Variants in ROBO2 observed in about 807,000 individuals in gnomAD.
ROBO2 encodes the protein roundabout homolog 2.
A neutral mutation model predicts 160.8 loss-of-function variants in ROBO2; 53 were observed. That is an observed-to-expected ratio of 0.33 (90% CI 0.26 to 0.41). The LOEUF (loss-of-function observed/expected upper bound fraction) is 0.41, where lower values mean the gene tolerates loss of function less well. Among genes scored for constraint, ROBO2 ranks in the 10% least tolerant of loss-of-function variants. The pLI, the probability that ROBO2 is intolerant of heterozygous loss-of-function variation, is 1.00. For synonymous variants in ROBO2, 664 were observed against 611.7 expected (o/e 1.09, Z -1.26); for missense variants, 1,577 against 1,722.4 (o/e 0.92, Z 1.49).
intron 2 of ROBO2, among the ~76,000 whole-genome samples, chr3:77,102,067 C>G (rs1267082065): frequency 6.6e-6 from 1 of 152,032 alleles, no homozygotes; most frequent in East Asian, 1.9e-4. Flanking sequence ...GAGTACTAAA[C>G]ATGGTTGACA....
chr3:77,426,620 G>GTGTGTGTT (rs1469862443), intron 2 of ROBO2, among the ~76,000 whole-genome samples: 5 of 151,150 alleles, frequency 3.3e-5, no homozygotes, highest in Non-Finnish European at 7.4e-5. Context: ...GTGTGTGTGT[G>GTGTGTGTT]TGTGTGTGTG....
At chr3:76,144,229 T>G (rs906916819) in intron 2 of ROBO2, among the ~76,000 whole-genome samples, 2 of 152,148 alleles carry the variant, frequency 1.3e-5, no homozygotes, top group African/African-American at 4.8e-5. Flanking sequence ...AAAACTGTTC[T>G]GGACTTTAAA....
At chr3:77,291,332 C>G (rs1332451283) in intron 2 of ROBO2, among the ~76,000 whole-genome samples, 1 of 151,454 alleles carries the variant, frequency 6.6e-6, no homozygotes, top group African/African-American at 2.4e-5. Context: ...GGCTAGATCA[C>G]CCCAGACGTA....
chr3:76,006,164 C>G (rs576997503), intron 2 of ROBO2, among the ~76,000 whole-genome samples: 22 of 151,992 alleles, frequency 1.4e-4, no homozygotes, highest in Non-Finnish European at 2.5e-4. Flanking sequence ...TTTCTTATAT[C>G]TGAATCATCA....
At chr3:76,169,069 C>A (rs1559608842) in intron 2 of ROBO2, among the ~76,000 whole-genome samples, 1 of 151,962 alleles carries the variant, frequency 6.6e-6, no homozygotes, top group Non-Finnish European at 1.5e-5. Context: ...GAGAAGGTAG[C>A]ATGTGATCGA....
chr3:76,588,088 C>G (rs2086170695), intron 2 of ROBO2, among the ~76,000 whole-genome samples: 1 of 152,138 alleles, frequency 6.6e-6, no homozygotes. Context: ...GTAAAGAAGA[C>G]TTTTCATCCT....
intron 2 of ROBO2, among the ~76,000 whole-genome samples, chr3:77,241,881 A>G (rs1255567456): frequency 6.6e-6 from 1 of 152,176 alleles, no homozygotes; most frequent in Non-Finnish European, 1.5e-5. Flanking sequence ...CACCAAGTGC[A>G]TAAAGGAATC....
At chr3:76,625,033 A>G (rs997597985) in intron 2 of ROBO2, among the ~76,000 whole-genome samples, 1 of 152,030 alleles carries the variant, frequency 6.6e-6, no homozygotes, top group African/African-American at 2.4e-5. Flanking sequence ...TCCCGTCATA[A>G]TCCATTTAAT....
chr3:76,378,967 T>A (rs1172161095), intron 2 of ROBO2, among the ~76,000 whole-genome samples: 6 of 152,170 alleles, frequency 3.9e-5, no homozygotes, highest in Non-Finnish European at 7.4e-5. Context: ...TCTCACTATA[T>A]TATCTAGGCA....
chr3:76,986,833 T>C (rs67172613), intron 2 of ROBO2, among the ~76,000 whole-genome samples: 11,684 of 152,158 alleles, frequency 0.077, 1,006 homozygotes, highest in African/African-American at 0.21. Context: ...TCATCTTTAA[T>C]TGATATCTAT....
intron 2 of ROBO2, among the ~76,000 whole-genome samples, chr3:76,436,933 T>C (rs570215863): frequency 2.6e-5 from 4 of 152,192 alleles, no homozygotes; most frequent in Admixed American, 2.0e-4. Flanking sequence ...TTGTTAGCTA[T>C]GCTCATCGAC....
chr3:76,513,524 C>T (rs1271741062), intron 2 of ROBO2, among the ~76,000 whole-genome samples: 1 of 152,194 alleles, frequency 6.6e-6, no homozygotes, highest in East Asian at 1.9e-4. Context: ...CCTGGCGTGG[C>T]CTCCCAAAGT....
intron 2 of ROBO2, among the ~76,000 whole-genome samples, chr3:76,519,346 C>G (rs1353308793): frequency 6.6e-6 from 1 of 152,084 alleles, no homozygotes; most frequent in Admixed American, 6.6e-5. Context: ...AATTGCAAAG[C>G]TGAAAATATT....
intron 5 of ROBO2, among the ~76,000 whole-genome samples, chr3:77,512,430 A>T (rs1561041145): frequency 6.6e-6 from 1 of 152,008 alleles, no homozygotes; most frequent in Non-Finnish European, 1.5e-5. Flanking sequence ...GCGTGCCTTG[A>T]ATAAATTTGT....
intron 2 of ROBO2, among the ~76,000 whole-genome samples, chr3:77,275,161 T>C (rs2059748829): frequency 6.6e-6 from 1 of 152,092 alleles, no homozygotes; most frequent in South Asian, 2.1e-4. Flanking sequence ...GGTAAATACA[T>C]AGATAACTAC....
chr3:75,930,421 T>C (rs1252853139), intron 1 of ROBO2, among the ~76,000 whole-genome samples: 1 of 152,216 alleles, frequency 6.6e-6, no homozygotes, highest in African/African-American at 2.4e-5. Flanking sequence ...CCCTTGCAAC[T>C]ACCCTGAGCT....
chr3:76,720,595 G>A lies in ROBO2; in HGVS notation c.110-377419G>A, dbSNP rs74420475. Among the ~76,000 whole-genome samples, 551 of 152,298 alleles carry A rather than the reference G, an allele frequency of 3.6e-3. 3 individuals carry two copies. Among genetic ancestry groups the A allele is most frequent in the African/African-American group, 0.012 (517 of 41,554 alleles). On this transcript the variant is annotated intron_variant, in intron 2 of 26. Transcript: ENST00000487694. ...CAAGTTTGCCTTAGGCAGAAACAAAGCAAGGCAGCATACTTATTTTTAACT... is the reference window on the plus strand; with the variant it reads ...CAAGTTTGCCTTAGGCAGAAACAAAACAAGGCAGCATACTTATTTTTAACT...
chr3:77,371,374 C>G (rs1304708713), intron 2 of ROBO2, among the ~76,000 whole-genome samples: 2 of 152,162 alleles, frequency 1.3e-5, no homozygotes, highest in African/African-American at 2.4e-5. Context: ...TGTTTCTTCT[C>G]TCTTCTCCGT....
intron 2 of ROBO2, among the ~76,000 whole-genome samples, chr3:76,257,583 A>G (rs1236674233): frequency 3.3e-5 from 5 of 151,894 alleles, no homozygotes; most frequent in African/African-American, 9.7e-5. Flanking sequence ...GCTGATCGCT[A>G]TTGTATAGTG....
Sources: allele counts gnomAD v4.1 joint callset (sites outside exome capture counted in the v4.1 genomes callset), GRCh38; gene constraint gnomAD v4.1.1; transcripts MANE v1.5; gene names NCBI Gene and HGNC (gene_info 2026-07-23, HGNC 2026-07-21).